Variants in FLRT2 observed in about 807,000 individuals in gnomAD.
FLRT2 encodes the protein leucine-rich repeat transmembrane protein FLRT2.
A neutral mutation model predicts 40.0 loss-of-function variants in FLRT2; 15 were observed. The observed-to-expected ratio is 0.38, with a 90% CI of 0.25 to 0.58. FLRT2 has a LOEUF of 0.58. Ranked by LOEUF, FLRT2 falls within the 20% of genes least tolerant of loss-of-function variation. FLRT2 has a pLI of 0.71. For missense variants in FLRT2, 726 were observed against 840.0 expected (o/e 0.86, Z 1.68); for synonymous variants, 380 against 336.8 (o/e 1.13, Z -1.41).
At chr14:85,560,326 C>T (rs1028057557) in intron 1 of FLRT2, among the ~76,000 whole-genome samples, 1 of 152,076 alleles carries the variant, frequency 6.6e-6, no homozygotes, top group African/African-American at 2.4e-5. Flanking sequence ...TGACTGTAAT[C>T]CCAGCACTTT....
rs929508025 is a variant in FLRT2, at chr14:85,625,397, G to A, written c.*1900G>A. ...ATGCAACTTTTTCTTTATAGTAAGA[G>A]CTTTATTTTCTTTAATAATATAGCC... is the stretch of plus-strand genomic sequence containing the variant. On this transcript the variant is annotated 3_prime_UTR_variant, in exon 2 of 2. Coordinates refer to ENST00000330753, the MANE Select transcript of FLRT2 (RefSeq NM_013231.6). 6.0e-6 allele frequency: 1 copy of A among 166,844 alleles called. No homozygotes were observed. Among genetic ancestry groups the A allele is most frequent in the South Asian group, 2.1e-4 (1 of 4,826 alleles). 10.3% of individuals were successfully genotyped at this position (166,844 alleles called of 1,614,324 possible). A position where few individuals can be genotyped will look rare whatever the true frequency, so the allele number is the denominator to read the frequency against.
At chr14:85,609,401 T>C (rs773567724) in intron 1 of FLRT2, among the ~76,000 whole-genome samples, 2 of 152,192 alleles carry the variant, frequency 1.3e-5, no homozygotes, top group African/African-American at 2.4e-5. Context: ...TTTGAGATTA[T>C]TCCCATATTC....
intron 1 of FLRT2, among the ~76,000 whole-genome samples, chr14:85,544,316 A>G (rs1889154193): frequency 6.6e-6 from 1 of 152,116 alleles, no homozygotes; most frequent in African/African-American, 2.4e-5. Flanking sequence ...TTGATGATAC[A>G]CCTTTCTTGG....
intron 1 of FLRT2, among the ~76,000 whole-genome samples, chr14:85,556,015 C>T (rs1416139294): frequency 2.6e-5 from 4 of 152,136 alleles, no homozygotes; most frequent in African/African-American, 7.2e-5. Flanking sequence ...TAGTATAGTA[C>T]AGACGGAAGG....
At chr14:85,580,370 A>C (rs531510306) in intron 1 of FLRT2, among the ~76,000 whole-genome samples, 6 of 152,262 alleles carry the variant, frequency 3.9e-5, no homozygotes, top group Non-Finnish European at 7.4e-5. Context: ...AGTTTTCAGA[A>C]GTAATTTTGT....
chr14:85,597,269 G>A (rs990364295), intron 1 of FLRT2, among the ~76,000 whole-genome samples: 12 of 152,068 alleles, frequency 7.9e-5, no homozygotes, highest in African/African-American at 2.9e-4. Flanking sequence ...AGCTGTTAGG[G>A]CATGAACTAC....
chr14:85,632,344 T>C lies in FLRT2; in HGVS notation c.*8847T>C. 6.6e-6 allele frequency: 1 copy of C among 151,528 alleles called. No individual in the cohort carries two copies. The highest frequency in any genetic ancestry group is 1.5e-5 in the Non-Finnish European group (1 of 67,972). The allele number at this position is 151,528 out of a possible 1,614,324, so 9.4% of individuals were successfully genotyped here. A position where few individuals can be genotyped will look rare whatever the true frequency, so the allele number is the denominator to read the frequency against. ...AAATTTAGCCGGGCTTGGTGGTGCG[T>C]GCCTGTAGTCCCAGCTACTCAGGAG... is the stretch of plus-strand genomic sequence containing the variant. On this transcript the variant is annotated 3_prime_UTR_variant, in exon 2 of 2. Transcript: ENST00000330753.
chr14:85,645,114 G>A lies in FLRT2; in HGVS notation c.*21617G>A, dbSNP rs765037704. 1 of 151,468 alleles carries A rather than the reference G, an allele frequency of 6.6e-6. No homozygotes were observed. The highest frequency in any genetic ancestry group is 1.5e-5 in the Non-Finnish European group (1 of 68,004). 9.4% of individuals were successfully genotyped at this position (151,468 alleles called of 1,614,324 possible). A position where few individuals can be genotyped will look rare whatever the true frequency, so the allele number is the denominator to read the frequency against. Reference sequence around the variant, plus strand: ...ATCAACCAACCATAAAGTTGAGCTTGGGCAGCAGAACTCCTACATCAAGTA... The same window carrying A: ...ATCAACCAACCATAAAGTTGAGCTTAGGCAGCAGAACTCCTACATCAAGTA... On this transcript the variant is annotated 3_prime_UTR_variant, in exon 2 of 2. Coordinates refer to ENST00000330753, the MANE Select transcript of FLRT2 (RefSeq NM_013231.6).
Position 85,622,123 on chromosome 14 carries a change from C to A in FLRT2, c.609C>A (p.Leu203=). The change falls in exon 2 of 2, where the codon CTC becomes CTA. Residue 203 remains leucine (L), a synonymous_variant. Coordinates refer to ENST00000330753, the MANE Select transcript of FLRT2 (RefSeq NM_013231.6). ...TATCCGACATGGCCTTCCAGAATCTCACGAGCTTGGAGCGTCTTATTGTGG... is the reference window on the plus strand; with the variant it reads ...TATCCGACATGGCCTTCCAGAATCTAACGAGCTTGGAGCGTCTTATTGTGG... ...AVISDMAFQN[L]TSLERLIVDG... is the part of the protein sequence containing the mutation. 6.2e-7 allele frequency: 1 copy of A among 1,614,166 alleles called. No homozygotes were observed.
intron 1 of FLRT2, among the ~76,000 whole-genome samples, chr14:85,594,053 AAAAC>A (rs1892024927): frequency 6.6e-6 from 1 of 152,100 alleles, no homozygotes; most frequent in Non-Finnish European, 1.5e-5. Flanking sequence ...AAAACAAAAC[AAAAC>A]AAAACAAAAC....
At chr14:85,585,855 CTGTTCTTGA>C (rs140112518) in intron 1 of FLRT2, among the ~76,000 whole-genome samples, 2,529 of 152,092 alleles carry the variant, frequency 0.017, 28 homozygotes, top group Non-Finnish European at 0.027. Context: ...GCTGAATTTT[CTGTTCTTGA>C]TGTTCTGCGG....
At chr14:85,592,744 G>A (rs749334097) in intron 1 of FLRT2, among the ~76,000 whole-genome samples, 3 of 134,056 alleles carry the variant, frequency 2.2e-5, no homozygotes, top group African/African-American at 5.9e-5. Flanking sequence ...AGCCGAGATC[G>A]TCCCATTGCA....
intron 1 of FLRT2, among the ~76,000 whole-genome samples, chr14:85,602,009 A>G (rs1892397339): frequency 6.6e-6 from 1 of 152,202 alleles, no homozygotes; most frequent in South Asian, 2.1e-4. Context: ...ATGAAGGAGC[A>G]GCCATTTTCA....
At chr14:85,552,698 A>G (rs1889709156) in intron 1 of FLRT2, 1 of 152,192 alleles carries the variant, frequency 6.6e-6, no homozygotes, top group African/African-American at 2.4e-5. Flanking sequence ...GATAATGTTG[A>G]TAATTCCGTC....
chr14:85,587,308 A>G (rs1262401025), intron 1 of FLRT2, among the ~76,000 whole-genome samples: 2 of 151,112 alleles, frequency 1.3e-5, no homozygotes, highest in Non-Finnish European at 2.9e-5. Context: ...AAAAAAAAGA[A>G]GAAAGCAGAG....
In FLRT2 at chr14:85,654,050, T is replaced by A. The variant is rs1408048871; in HGVS notation, c.*30553T>A. 1 of 152,176 alleles carries A rather than the reference T, an allele frequency of 6.6e-6. No homozygotes were observed. Among genetic ancestry groups the A allele is most frequent in the Non-Finnish European group, 1.5e-5 (1 of 68,022 alleles). 9.4% of individuals were successfully genotyped at this position (152,176 alleles called of 1,614,324 possible). A position where few individuals can be genotyped will look rare whatever the true frequency, so the allele number is the denominator to read the frequency against. On this transcript the variant is annotated 3_prime_UTR_variant, in exon 2 of 2. Transcript: ENST00000330753. ...GGTCTTGTTTTTTGAGGTCGTCTGA[T>A]GAAATCAGAATGATTTCACTTAAGG... is the stretch of plus-strand genomic sequence containing the variant.
intron 1 of FLRT2, among the ~76,000 whole-genome samples, chr14:85,553,336 C>T (rs1040609818): frequency 1.1e-4 from 16 of 152,128 alleles, no homozygotes; most frequent in African/African-American, 3.6e-4. Context: ...CAGTAATCCA[C>T]GTGCTCTCTC....
intron 1 of FLRT2, among the ~76,000 whole-genome samples, chr14:85,587,886 A>G (rs1891696019): frequency 6.6e-6 from 1 of 152,076 alleles, no homozygotes. Context: ...GGCATGGTGA[A>G]TGATGAGGAA....
intron 1 of FLRT2, among the ~76,000 whole-genome samples, chr14:85,575,630 C>T (rs1348866453): frequency 2.6e-5 from 4 of 152,128 alleles, no homozygotes; most frequent in African/African-American, 9.7e-5. Flanking sequence ...ATTGGAAATC[C>T]TTCCCTCAAC....
Sources: gnomAD v4.1 joint callset for allele counts (sites outside exome capture counted in the v4.1 genomes callset) on GRCh38, gnomAD v4.1.1 for gene constraint, MANE v1.5 for transcripts, NCBI Gene and HGNC (gene_info 2026-07-23, HGNC 2026-07-21) for gene names.